SELENOP: variants seen among roughly 807,000 people sequenced by gnomAD.
SELENOP encodes selenoprotein P, also known as selenoprotein P, plasma, 1.
Under a neutral mutation model 41.0 loss-of-function variants are expected in SELENOP, and 36 were observed. The ratio of observed to expected loss-of-function variants is 0.88; its 90% CI spans 0.67 to 1.16. The LOEUF is 1.16. Ranked by LOEUF, SELENOP falls within the 50% of genes most tolerant of loss-of-function variation. The probability of loss-of-function intolerance (pLI) is 0.00; values close to 1 mark genes in which losing one functional copy is unlikely to be tolerated. For missense variants in SELENOP, 440 were observed against 454.2 expected, an observed-to-expected ratio of 0.97 and a Z score of 0.28; for synonymous variants, 144 against 150.8, an observed-to-expected ratio of 0.95 and a Z score of 0.33.
At chr5:42,805,876 A>T (rs1308342037) in intron 3 of SELENOP, 12 of 152,196 alleles carry the variant, frequency 7.9e-5, no homozygotes, top group Admixed American at 7.2e-4. Context: ...AGTCATTTCA[A>T]AAAAATAAAT....
rs1760190508 is a variant in SELENOP, at chr5:42,801,204, C to T, written c.662G>A (p.Ser221Asn). The T allele has an allele frequency of 1.2e-6, 2 of 1,614,174 alleles. No homozygotes were observed. Among genetic ancestry groups the T allele is most frequent in the South Asian group, 2.2e-5 (2 of 91,090 alleles). The change falls in exon 5 of 5, where the codon AGT (serine) becomes AAT (asparagine). Residue 221 changes from serine (S) to asparagine (N), a missense_variant. Coordinates refer to ENST00000514985, the MANE Select transcript of SELENOP (RefSeq NM_005410.4). ...TGGTTGCTGATTCTCTGAAAGCTCA[C>T]TGCTGCCAAGGTGCTGATGTCCATG... is the stretch of plus-strand genomic sequence containing the variant. ...HNHGHQHLGS[S>N]ELSENQQPGA...
At chr5:42,803,281 G>A (rs898088393) in intron 4 of SELENOP, among the ~76,000 whole-genome samples, 6 of 152,068 alleles carry the variant, frequency 3.9e-5, no homozygotes, top group Admixed American at 1.3e-4. Context: ...TTGCACAAAT[G>A]AGAAATGCAG....
intron 1 of SELENOP, chr5:42,809,804 TGAGAGAGGTAGA>T (rs1561286678): frequency 2.1e-6 from 2 of 949,598 alleles, no homozygotes; most frequent in Admixed American, 6.2e-5. Context: ...GAGAGTGAGG[TGAGAGAGGTAGA>T]GAGAGAGGAC....
chr5:42,806,674 C>T, intron 3 of SELENOP: 1 of 335,164 alleles, frequency 3.0e-6, no homozygotes, highest in East Asian at 4.6e-5. Context: ...TGAGGAAAAC[C>T]AGCAGGGTAT....
chr5:42,809,067 C>T (rs1460687015), intron 1 of SELENOP, among the ~76,000 whole-genome samples: 1 of 152,038 alleles, frequency 6.6e-6, no homozygotes, highest in East Asian at 1.9e-4. Flanking sequence ...TCATGTCGGG[C>T]CCTTAGCTCT....
chr5:42,805,343 A>G (rs1047666020), intron 3 of SELENOP: 1 of 152,216 alleles, frequency 6.6e-6, no homozygotes, highest in Non-Finnish European at 1.5e-5. Flanking sequence ...TACCTAGTAT[A>G]TATGGTTTTA....
In SELENOP at chr5:42,807,081, C is replaced by A; in HGVS notation, c.231G>T (p.Lys77Asn). 6.6e-7 allele frequency: 1 copy of A among 1,522,076 alleles called. No homozygotes were observed. The highest frequency in any genetic ancestry group is 9.1e-7 in the Non-Finnish European group (1 of 1,104,364). The allele number at this position is 1,522,076 out of a possible 1,614,324, so 94.3% of individuals were successfully genotyped here. Residue 77 changes from lysine (K) to asparagine (N), a missense_variant, in exon 3 of 5, where the codon AAG becomes AAT. Lys to Asn is a moderately conservative substitution (Grantham distance 94, BLOSUM62 0). Transcript: ENST00000514985. ...SKLEDLRVKL[K>N]KEGYSNISYI... is the part of the protein sequence containing the mutation. Reference sequence around the variant, plus strand: ...AAGAAATATTAGAATATCCTTCTTTCTTCAGTTTTACTCGCAGGTCTTCTA... The same window carrying A: ...AAGAAATATTAGAATATCCTTCTTTATTCAGTTTTACTCGCAGGTCTTCTA...
chr5:42,800,918 G>C lies in SELENOP; in HGVS notation c.948C>G (p.Ile316Met). ...HLIFEKTGSA[I>M]TUQCKENLPS... ...GGAGGTTTTCTTTACACTGTCAGGTGATTGCAGACCCTGTTTTTTCAAATA... is the reference window on the plus strand; with the variant it reads ...GGAGGTTTTCTTTACACTGTCAGGTCATTGCAGACCCTGTTTTTTCAAATA... Residue 316 changes from isoleucine (I) to methionine (M), a missense_variant, in exon 5 of 5, where the codon ATC becomes ATG. Coordinates refer to ENST00000514985, the MANE Select transcript of SELENOP (RefSeq NM_005410.4). 6.2e-7 allele frequency: 1 copy of C among 1,614,198 alleles called. No individual in the cohort carries two copies. The highest frequency in any genetic ancestry group is 8.5e-7 in the Non-Finnish European group (1 of 1,180,038).
rs764423932 is a variant in SELENOP, at chr5:42,804,720, G to C, written c.470C>G (p.Pro157Arg). Reference protein sequence around the residue: ...LGLPFSFLTFPYVEEAIKIAY... With the variant: ...LGLPFSFLTFRYVEEAIKIAY... ...AATCTTAATGGCTTCTTCTACATAT[G>C]GGAAAGTTAGGAAGGAAAAAGGCAA... The change falls in exon 4 of 5, where the codon CCA (proline) becomes CGA (arginine). Residue 157 changes from proline (P) to arginine (R), a missense_variant. Physicochemically the swap from Pro to Arg is moderately radical, Grantham distance 103. Coordinates refer to ENST00000514985, the MANE Select transcript of SELENOP (RefSeq NM_005410.4). The C allele has an allele frequency of 6.2e-7, 1 of 1,611,326 alleles. No homozygotes were observed. Among genetic ancestry groups the C allele is most frequent in the Admixed American group, 1.7e-5 (1 of 59,860 alleles).
intron 4 of SELENOP, among the ~76,000 whole-genome samples, chr5:42,802,665 C>T (rs545225824): frequency 1.3e-5 from 2 of 152,300 alleles, no homozygotes; most frequent in Admixed American, 1.3e-4. Context: ...GGCTGGAGTG[C>T]AGTGGCACGA....
chr5:42,806,611 T>G, intron 3 of SELENOP: 1 of 242,702 alleles, frequency 4.1e-6, no homozygotes, highest in East Asian at 7.7e-5. Flanking sequence ...GGAAGAAAAA[T>G]CAGGAGGTGG....
Position 42,808,224 on chromosome 5 carries a change from T to TTA in SELENOP, c.128_129dup (p.Asn44Ter). 6.3e-7 allele frequency: 1 copy of TTA among 1,586,306 alleles called. No homozygotes were observed. The highest frequency in any genetic ancestry group is 8.6e-7 in the Non-Finnish European group (1 of 1,166,878). On this transcript the variant is annotated frameshift_variant, in exon 2 of 5. Coordinates refer to ENST00000514985, the MANE Select transcript of SELENOP (RefSeq NM_005410.4). LOFTEE classifies it high-confidence loss of function. The stretch of plus-strand genomic sequence containing the variant: ...ACCACAGTCACTGAACCATTGGAGT[T>TTA]TAGCATTGGATCTTGATCTCTTATG...
intron 3 of SELENOP, 192 bp downstream of exon 3, chr5:42,806,704 A>T (rs965802349): frequency 4.3e-5 from 18 of 417,094 alleles, no homozygotes; most frequent in Non-Finnish European, 6.1e-5. Flanking sequence ...GAAATTTTTT[A>T]AAATGAGAGT....
At chr5:42,805,938 A>G (rs1740469319) in intron 3 of SELENOP, 1 of 152,228 alleles carries the variant, frequency 6.6e-6, no homozygotes, top group South Asian at 2.1e-4. Context: ...CAAATATATT[A>G]TTTTAAATCA....
At chr5:42,808,069 CTTTTA>C (rs1383731103) in intron 2 of SELENOP, 77 bp downstream of exon 2, 2 of 617,542 alleles carry the variant, frequency 3.2e-6, no homozygotes, top group Non-Finnish European at 5.0e-6. Flanking sequence ...ATTATTTACA[CTTTTA>C]TTTTATGTCT....
At position 42,800,645 on chromosome 5, in the gene SELENOP, T is replaced by G; in HGVS notation, c.*75A>C. 2.0e-6 allele frequency: 3 copies of G among 1,476,680 alleles called. No homozygotes were observed. Among genetic ancestry groups the G allele is most frequent in the Non-Finnish European group, 2.7e-6 (3 of 1,102,014 alleles). 91.5% of individuals were successfully genotyped at this position (1,476,680 alleles called of 1,614,324 possible). On this transcript the variant is annotated 3_prime_UTR_variant, in exon 5 of 5. Coordinates refer to ENST00000514985, the MANE Select transcript of SELENOP (RefSeq NM_005410.4). Reference sequence around the variant, plus strand: ...CTAATTTCTATTTTTGGTTCACTAATTTGGTAGTTTATAAAAATGCTGGAA... The same window carrying G: ...CTAATTTCTATTTTTGGTTCACTAAGTTGGTAGTTTATAAAAATGCTGGAA...
intron 1 of SELENOP, 61 bp from the exon 2 acceptor site, chr5:42,808,427 T>A (rs1760386293): frequency 1.8e-6 from 1 of 558,462 alleles, no homozygotes; most frequent in Admixed American, 4.3e-5. Flanking sequence ...TAACTATGAA[T>A]TTCTATAAAT....
intron 4 of SELENOP, among the ~76,000 whole-genome samples, chr5:42,804,385 C>T (rs909387992): frequency 6.6e-6 from 1 of 152,050 alleles, no homozygotes; most frequent in Non-Finnish European, 1.5e-5. Flanking sequence ...GGCGTGAACC[C>T]GGGAGGCGGA....
At chr5:42,804,076 T>C (rs1395700845) in intron 4 of SELENOP, among the ~76,000 whole-genome samples, 1 of 152,236 alleles carries the variant, frequency 6.6e-6, no homozygotes, top group Non-Finnish European at 1.5e-5. Flanking sequence ...TGCAACGTCA[T>C]TTGGTGGTAA....
Sources: gnomAD v4.1 joint callset for allele counts (sites outside exome capture counted in the v4.1 genomes callset) on GRCh38, gnomAD v4.1.1 for gene constraint, MANE v1.5 for transcripts, NCBI Gene and HGNC (gene_info 2026-07-23, HGNC 2026-07-21) for gene names.